Variants in FOLR1 observed in about 807,000 individuals in gnomAD.
FOLR1 encodes folate receptor alpha.
Under a neutral mutation model 22.8 loss-of-function variants are expected in FOLR1, and 11 were observed. That is an observed-to-expected ratio of 0.48 (90% CI 0.30 to 0.80). The LOEUF (loss-of-function observed/expected upper bound fraction) is 0.80. Among genes scored for constraint, FOLR1 ranks in the 30% least tolerant of loss-of-function variants. The pLI, the probability that FOLR1 is intolerant of heterozygous loss-of-function variation, is 0.06. For synonymous variants in FOLR1, 108 were observed against 116.5 expected (o/e 0.93, Z 0.47); for missense variants, 273 against 320.3 (o/e 0.85, Z 1.13).
upstream of FOLR1, among the ~76,000 whole-genome samples, chr11:72,191,338 C>T (rs1032318441): frequency 6.6e-6 from 1 of 151,824 alleles, no homozygotes; most frequent in African/African-American, 2.4e-5. Flanking sequence ...CACACTGCAG[C>T]CCCCCCAACT....
rs1269450657 is a variant in FOLR1 at position 72,192,177 on chromosome 11, G to C, written c.4G>C (p.Ala2Pro). MAQRMTTQLLLL... is the reference protein window; with the variant it reads MPQRMTTQLLLL... ...AGCTCTTTCTTCAGGGACAGACATG[G>C]CTCAGCGGATGACAACACAGCTGCT... The change falls in exon 1 of 4, where the codon GCT (alanine) becomes CCT (proline). Residue 2 changes from alanine to proline, a missense_variant. Ala to Pro is a conservative substitution (Grantham distance 27). Transcript: ENST00000393676. The C allele has an allele frequency of 1.9e-6, 3 of 1,614,148 alleles. No individual in the cohort carries two copies. The highest frequency in any genetic ancestry group is 2.5e-6 in the Non-Finnish European group (3 of 1,180,016).
intron 1 of FOLR1, among the ~76,000 whole-genome samples, chr11:72,192,576 G>A (rs900115407): frequency 6.6e-6 from 1 of 152,184 alleles, no homozygotes; most frequent in South Asian, 2.1e-4. Flanking sequence ...GCCCAAAGGA[G>A]AGCCTGGGAA....
upstream of FOLR1, chr11:72,190,535 G>A (rs542307966): frequency 1.3e-5 from 2 of 152,244 alleles, no homozygotes; most frequent in South Asian, 2.1e-4. Flanking sequence ...CAGGTTGAAC[G>A]GGAACCCTGT....
chr11:72,192,231 G>T lies in FOLR1; in HGVS notation c.58G>T (p.Gly20Trp). ...CCTTCTAGTGTGGGTGGCTGTAGTA[G>T]GGGAGGCTCAGACAAGGATTGCATG... is the stretch of plus-strand genomic sequence containing the variant. ...LLLLVWVAVV[G>W]EAQTRIAWAR... Residue 20 changes from glycine to tryptophan, a missense_variant, in exon 1 of 4, where the codon GGG becomes TGG. Coordinates refer to ENST00000393676, the MANE Select transcript of FOLR1 (RefSeq NM_016729.3). 1 of 1,614,202 alleles carries T rather than the reference G, an allele frequency of 6.2e-7. No individual in the cohort carries two copies. Among genetic ancestry groups the T allele is most frequent in the Non-Finnish European group, 8.5e-7 (1 of 1,180,030 alleles).
At position 72,195,596 on chromosome 11, in the gene FOLR1, T is replaced by C. The variant is rs1333742474; in HGVS notation, c.358-16T>C. ...TTCTTGAACCTGAGCCCTTCTTTTGTATCAAAATCACCCAGGTGGATCAGA... is the reference window on the plus strand; with the variant it reads ...TTCTTGAACCTGAGCCCTTCTTTTGCATCAAAATCACCCAGGTGGATCAGA... On this transcript the variant is annotated splice_polypyrimidine_tract_variant and intron_variant, in intron 2 of 3. Transcript: ENST00000393676. The C allele has an allele frequency of 1.2e-6, 2 of 1,614,202 alleles. No individual in the cohort carries two copies. The highest frequency in any genetic ancestry group is 2.2e-5 in the East Asian group (1 of 44,888).
At chr11:72,193,397 G>A (rs1023287033) in intron 1 of FOLR1, among the ~76,000 whole-genome samples, 9 of 151,414 alleles carry the variant, frequency 5.9e-5, no homozygotes, top group Admixed American at 2.6e-4. Context: ...AGGGAGGAAA[G>A]GGAGGGAGGA....
upstream of FOLR1, chr11:72,190,702 T>C (rs777816817): frequency 1.3e-5 from 2 of 152,172 alleles, no homozygotes; most frequent in Non-Finnish European, 2.9e-5. Context: ...GAATCAACCA[T>C]GAGAGAGTGA....
At chr11:72,191,794 G>A (rs1948160366), upstream of FOLR1, among the ~76,000 whole-genome samples, 1 of 152,084 alleles carries the variant, frequency 6.6e-6, no homozygotes, top group Non-Finnish European at 1.5e-5. Flanking sequence ...CTTGATTATT[G>A]GGTATATGAA....
chr11:72,190,435 A>T (rs1280485041), upstream of FOLR1: 1 of 152,164 alleles, frequency 6.6e-6, no homozygotes, highest in East Asian at 1.9e-4. Flanking sequence ...CTTACATTTA[A>T]TCCTTGCAGG....
At chr11:72,194,935 T>C (rs1481489362) in intron 1 of FOLR1, among the ~76,000 whole-genome samples, 1 of 152,270 alleles carries the variant, frequency 6.6e-6, no homozygotes, top group Non-Finnish European at 1.5e-5. Flanking sequence ...CATCCGTCTC[T>C]GCTTAATTTT....
At chr11:72,190,534 C>CG (rs1017274679), upstream of FOLR1, 1 of 152,082 alleles carries the variant, frequency 6.6e-6, no homozygotes, top group Non-Finnish European at 1.5e-5. Flanking sequence ...ACAGGTTGAA[C>CG]GGGAACCCTG....
chr11:72,193,341 C>G (rs757861940), intron 1 of FOLR1, among the ~76,000 whole-genome samples: 1 of 80,774 alleles, frequency 1.2e-5, no homozygotes, highest in Non-Finnish European at 2.4e-5. Flanking sequence ...AAAGAAAGAA[C>G]GAAAAAAAGA....
rs562326796 is a variant in FOLR1, at chr11:72,192,919, G to A, written c.168+578G>A. On this transcript the variant is annotated intron_variant, in intron 1 of 3. Transcript: ENST00000393676. ...TGAAGCATCTTGGTTCATGCATCTC[G>A]CAAAACTTTGGGCTGTGTCTCTCGA... is the stretch of plus-strand genomic sequence containing the variant. Among the ~76,000 whole-genome samples the A allele has an allele frequency of 1.8e-3, 279 of 152,230 alleles. 1 individual carries two copies. The highest frequency in any genetic ancestry group is 6.3e-3 in the African/African-American group (263 of 41,544).
At chr11:72,194,543 G>A (rs1354311964) in intron 1 of FOLR1, among the ~76,000 whole-genome samples, 2 of 152,184 alleles carry the variant, frequency 1.3e-5, no homozygotes, top group East Asian at 1.9e-4. Flanking sequence ...GGGACTACAG[G>A]TGCCAGCCAC....
At chr11:72,190,556 G>GT (rs1247580802), upstream of FOLR1, 15 of 152,300 alleles carry the variant, frequency 9.8e-5, no homozygotes, top group African/African-American at 3.4e-4. Context: ...GCTCTAAACA[G>GT]TTAGGGTTTG....
upstream of FOLR1, chr11:72,191,929 C>G: frequency 1.9e-6 from 1 of 526,460 alleles, no homozygotes; most frequent in Admixed American, 3.2e-5. Flanking sequence ...CCAAATCCAT[C>G]CTTGAATTAT....
upstream of FOLR1, among the ~76,000 whole-genome samples, chr11:72,191,052 A>G (rs1948149474): frequency 6.6e-6 from 1 of 152,230 alleles, no homozygotes; most frequent in South Asian, 2.1e-4. Context: ...CAGTGGAGTG[A>G]AGGAAACAGT....
At chr11:72,191,975 T>G (rs1948162015), upstream of FOLR1, 1 of 598,950 alleles carries the variant, frequency 1.7e-6, no homozygotes, top group East Asian at 2.9e-5. Flanking sequence ...GAGAAGGCAA[T>G]GAGGCTCAAG....
At chr11:72,190,096 G>A (rs1591242317), upstream of FOLR1, 1 of 152,460 alleles carries the variant, frequency 6.6e-6, no homozygotes, top group African/African-American at 2.4e-5. Flanking sequence ...GACTAGGCAG[G>A]TGGGAAAGGA....
Sources: gnomAD v4.1 joint callset for allele counts (sites outside exome capture counted in the v4.1 genomes callset) on GRCh38, gnomAD v4.1.1 for gene constraint, MANE v1.5 for transcripts, NCBI Gene and HGNC (gene_info 2026-07-23, HGNC 2026-07-21) for gene names.